PTPRG: variants seen among roughly 807,000 people sequenced by gnomAD.
The protein encoded by PTPRG is protein tyrosine phosphatase receptor type G, also known as receptor-type tyrosine-protein phosphatase gamma.
PTPRG carries 102 observed loss-of-function variants against 165.3 expected under a neutral mutation model. That is an observed-to-expected ratio of 0.62 (90% confidence interval 0.53 to 0.73). PTPRG has a LOEUF of 0.73. PTPRG is among the 30% of genes least tolerant of loss of function. The pLI is 0.00. For missense variants in PTPRG, 1,866 were observed against 1,861.4 expected (o/e 1.00, Z -0.05); for synonymous variants, 675 against 669.5 (o/e 1.01, Z -0.13).
At chr3:61,806,095 A>G (rs1382764723) in intron 2 of PTPRG, among the ~76,000 whole-genome samples, 1 of 152,186 alleles carries the variant, frequency 6.6e-6, no homozygotes, top group Non-Finnish European at 1.5e-5. Flanking sequence ...TGTTGAATTG[A>G]TAAGCATCGA....
chr3:61,690,173 T>C (rs958524817), intron 1 of PTPRG, among the ~76,000 whole-genome samples: 2 of 152,190 alleles, frequency 1.3e-5, no homozygotes, highest in Non-Finnish European at 2.9e-5. Context: ...GTTACGACAA[T>C]ATCACCAGCT....
At chr3:61,831,137 A>T (rs1027233202) in intron 2 of PTPRG, among the ~76,000 whole-genome samples, 1 of 152,230 alleles carries the variant, frequency 6.6e-6, no homozygotes, top group African/African-American at 2.4e-5. Flanking sequence ...AATCTCACTG[A>T]TAAAAAGATA....
intron 1 of PTPRG, among the ~76,000 whole-genome samples, chr3:61,649,587 C>G (rs978436105): frequency 6.6e-6 from 1 of 152,168 alleles, no homozygotes; most frequent in Admixed American, 6.5e-5. Flanking sequence ...CTAATTGCCT[C>G]GTAAAGATCC....
chr3:62,004,703 C>G (rs1256051095), intron 4 of PTPRG, among the ~76,000 whole-genome samples: 1 of 152,184 alleles, frequency 6.6e-6, no homozygotes, highest in Non-Finnish European at 1.5e-5. Context: ...GACCGAACCC[C>G]TGGTGTTTCA....
At chr3:61,843,526 TGAA>T (rs1372892585) in intron 2 of PTPRG, among the ~76,000 whole-genome samples, 3 of 152,162 alleles carry the variant, frequency 2.0e-5, no homozygotes, top group African/African-American at 7.2e-5. Context: ...AAAGTTTTGG[TGAA>T]GAAGAAGTTA....
intron 2 of PTPRG, among the ~76,000 whole-genome samples, chr3:61,912,244 T>C (rs2038820357): frequency 1.3e-5 from 2 of 152,188 alleles, no homozygotes; most frequent in South Asian, 2.1e-4. Flanking sequence ...AATGTAGTTA[T>C]GGCCCCTTAC....
At chr3:62,166,429 C>G (rs777052222) in intron 7 of PTPRG, among the ~76,000 whole-genome samples, 40 of 151,500 alleles carry the variant, frequency 2.6e-4, no homozygotes, top group Admixed American at 4.6e-4. Context: ...CTCCGCCTCC[C>G]AGGTTCAAGC....
intron 8 of PTPRG, among the ~76,000 whole-genome samples, chr3:62,169,001 A>G (rs527385412): frequency 6.6e-6 from 1 of 152,200 alleles, no homozygotes; most frequent in Non-Finnish European, 1.5e-5. Context: ...TTGTCCCTTG[A>G]CATTCAGATG....
At chr3:61,798,903 G>A (rs1487418578) in intron 2 of PTPRG, among the ~76,000 whole-genome samples, 2 of 152,098 alleles carry the variant, frequency 1.3e-5, no homozygotes, top group Non-Finnish European at 2.9e-5. Flanking sequence ...GGGTAGAGCT[G>A]TGCGGTACAG....
chr3:61,842,010 C>T (rs988046129), intron 2 of PTPRG, among the ~76,000 whole-genome samples: 1 of 152,172 alleles, frequency 6.6e-6, no homozygotes, highest in African/African-American at 2.4e-5. Flanking sequence ...CACAGCAACC[C>T]TGATAAGTAT....
At chr3:62,090,429 T>G (rs1282781427) in intron 5 of PTPRG, among the ~76,000 whole-genome samples, 2 of 152,152 alleles carry the variant, frequency 1.3e-5, no homozygotes, top group East Asian at 3.9e-4. Context: ...ACCTAAGTCT[T>G]TTAGGAAAAG....
chr3:62,178,384 T>C (rs1423669992), intron 8 of PTPRG, among the ~76,000 whole-genome samples: 1 of 152,228 alleles, frequency 6.6e-6, no homozygotes, highest in Non-Finnish European at 1.5e-5. Context: ...ACATGTATGA[T>C]GTAGCCCAGG....
intron 28 of PTPRG, among the ~76,000 whole-genome samples, chr3:62,290,165 G>A (rs1285051252): frequency 6.6e-6 from 1 of 151,958 alleles, no homozygotes; most frequent in East Asian, 1.9e-4. Context: ...AAATGGAATT[G>A]GCAAAGACTA....
intron 2 of PTPRG, chr3:61,750,493 T>C (rs988764434): frequency 1.3e-5 from 2 of 152,230 alleles, no homozygotes; most frequent in African/African-American, 4.8e-5. Flanking sequence ...TTAACTTTGG[T>C]AGAGTTCAGA....
At chr3:61,736,608 G>A (rs1172724031) in intron 1 of PTPRG, among the ~76,000 whole-genome samples, 3 of 152,092 alleles carry the variant, frequency 2.0e-5, no homozygotes, top group Non-Finnish European at 4.4e-5. Flanking sequence ...AAATAGATGA[G>A]TTGAATATTT....
At chr3:62,194,404 C>A (rs1046518969) in intron 9 of PTPRG, among the ~76,000 whole-genome samples, 23 of 152,204 alleles carry the variant, frequency 1.5e-4, no homozygotes, top group African/African-American at 5.5e-4. Flanking sequence ...TGACTCAGAA[C>A]CCCACAGCTT....
intron 5 of PTPRG, among the ~76,000 whole-genome samples, chr3:62,110,291 A>G (rs754913352): frequency 6.6e-6 from 1 of 152,078 alleles, no homozygotes; most frequent in Non-Finnish European, 1.5e-5. Flanking sequence ...AGCCACCTAC[A>G]AAAAGAATTG....
At chr3:61,659,854 G>T (rs1039155393) in intron 1 of PTPRG, among the ~76,000 whole-genome samples, 15 of 151,984 alleles carry the variant, frequency 9.9e-5, no homozygotes, top group African/African-American at 1.5e-4. Context: ...GAAATGAATG[G>T]TTTTTTTTAA....
At chr3:62,206,568 C>T (rs1183093951) in intron 12 of PTPRG, among the ~76,000 whole-genome samples, 4 of 152,076 alleles carry the variant, frequency 2.6e-5, no homozygotes, top group Non-Finnish European at 5.9e-5. Context: ...AGGAGGCCCC[C>T]CACAGCCCTT....
Sources: allele counts gnomAD v4.1 joint callset (sites outside exome capture counted in the v4.1 genomes callset), GRCh38; gene constraint gnomAD v4.1.1; transcripts MANE v1.5; gene names NCBI Gene and HGNC (gene_info 2026-07-23, HGNC 2026-07-21).